Variants in WAPL observed in about 807,000 individuals in gnomAD.
WAPL encodes WAPL cohesin release factor.
WAPL carries 5 observed loss-of-function variants against 121.0 expected under a neutral mutation model. The observed-to-expected ratio is 0.04, with a 90% CI of 0.02 to 0.09. The LOEUF (loss-of-function observed/expected upper bound fraction) is 0.09. WAPL is among the 10% of genes least tolerant of loss of function. The pLI is 1.00. For missense variants in WAPL, 999 were observed against 1,410.8 expected, an observed-to-expected ratio of 0.71 and a Z score of 4.68; for synonymous variants, 480 against 481.5, an observed-to-expected ratio of 1.00 and a Z score of 0.04.
chr10:86,451,869 A>T, intron 15 of WAPL, 98 bp downstream of exon 15: 1 of 1,367,848 alleles, frequency 7.3e-7, no homozygotes. Context: ...CCAGCAGTGG[A>T]TGGGCAAGAA....
At chr10:86,513,244 C>T (rs1280745444) in intron 2 of WAPL, among the ~76,000 whole-genome samples, 2 of 150,634 alleles carry the variant, frequency 1.3e-5, no homozygotes, top group Admixed American at 6.6e-5. Context: ...GCGATTCACC[C>T]GCCTCGGCCT....
chr10:86,478,640 C>T lies in WAPL; in HGVS notation c.1645-4667G>A, dbSNP rs528787261. ...CAAGAAAAACCTCAAATGTGACATT[C>T]CATTAAAGCTAAAGAAAAAATATTC... On this transcript the variant is annotated intron_variant, in intron 4 of 18. Transcript: ENST00000298767. Among the ~76,000 whole-genome samples the T allele has an allele frequency of 7.2e-5, 11 of 152,164 alleles. 1 individual carries two copies. In the South Asian group the frequency reaches 2.3e-3, roughly 32 times the overall value.
chr10:86,481,505 C>T (rs1474647097), intron 4 of WAPL, among the ~76,000 whole-genome samples: 1 of 152,148 alleles, frequency 6.6e-6, no homozygotes, highest in Non-Finnish European at 1.5e-5. Flanking sequence ...TCCCGAGTAG[C>T]TGGGATTACA....
At chr10:86,467,992 T>C (rs1841440774) in intron 8 of WAPL, among the ~76,000 whole-genome samples, 1 of 151,144 alleles carries the variant, frequency 6.6e-6, no homozygotes, top group Admixed American at 6.6e-5. Flanking sequence ...TCTAAAAATA[T>C]TCTGAAGAAA....
intron 4 of WAPL, among the ~76,000 whole-genome samples, chr10:86,484,826 CATATAGCCT>C (rs903044905): frequency 1.1e-3 from 167 of 152,306 alleles, no homozygotes; most frequent in Non-Finnish European, 2.2e-4. Context: ...CAGGCTATAC[CATATAGCCT>C]AGGTGTGTGG....
chr10:86,477,536 C>T (rs1841686186), intron 4 of WAPL, among the ~76,000 whole-genome samples: 1 of 152,166 alleles, frequency 6.6e-6, no homozygotes, highest in South Asian at 2.1e-4. Flanking sequence ...GGTACCGTGA[C>T]TCATGCCTGT....
intron 4 of WAPL, among the ~76,000 whole-genome samples, chr10:86,485,564 T>C (rs1436846946): frequency 2.0e-5 from 3 of 151,998 alleles, no homozygotes; most frequent in Admixed American, 2.0e-4. Context: ...TTAACAGTAC[T>C]TTCATTACTT....
At chr10:86,492,699 A>G (rs1305500064) in intron 4 of WAPL, among the ~76,000 whole-genome samples, 1 of 152,194 alleles carries the variant, frequency 6.6e-6, no homozygotes, top group Non-Finnish European at 1.5e-5. Flanking sequence ...CATCAGTAGG[A>G]AACAATCAGA....
chr10:86,467,940 A>G (rs571454803), intron 8 of WAPL, among the ~76,000 whole-genome samples: 2 of 151,848 alleles, frequency 1.3e-5, no homozygotes, highest in South Asian at 2.1e-4. Context: ...GGCCTCCCAA[A>G]ATGCTGGGAT....
At chr10:86,440,791 G>C (rs1038277755) in intron 17 of WAPL, among the ~76,000 whole-genome samples, 1 of 151,396 alleles carries the variant, frequency 6.6e-6, no homozygotes, top group Admixed American at 6.6e-5. Flanking sequence ...CACAGAGTGG[G>C]CTGTTGTATT....
chr10:86,488,248 T>C (rs1371168550), intron 4 of WAPL, among the ~76,000 whole-genome samples: 6 of 152,254 alleles, frequency 3.9e-5, no homozygotes, highest in African/African-American at 1.4e-4. Context: ...TGCATATTTT[T>C]ACATGTTTCC....
chr10:86,499,685 T>G (rs766771939), intron 3 of WAPL, 33 bp downstream of exon 3: 465 of 1,529,080 alleles, frequency 3.0e-4, no homozygotes, highest in Non-Finnish European at 3.9e-4. Context: ...GGGGAACTAT[T>G]GTACTTATTA....
Position 86,472,107 on chromosome 10 carries a change from T to C in WAPL, c.2030+101A>G. The C allele has an allele frequency of 8.5e-7, 1 of 1,172,344 alleles. No homozygotes were observed. The highest frequency in any genetic ancestry group is 1.2e-6 in the Non-Finnish European group (1 of 852,138). The allele number at this position is 1,172,344 out of a possible 1,614,324, so 72.6% of individuals were successfully genotyped here. On this transcript the variant is annotated intron_variant, in intron 7 of 18. Transcript: ENST00000298767. This position sits in a 1 kb window ranked among gnomAD's most constrained non-coding sequence, Gnocchi z 4.2. ...ATCACTGGCTATACATACTACCCCA[T>C]CATAACAAAATAAAAAATGTTTGGC...
At chr10:86,506,706 C>T (rs895312796) in intron 2 of WAPL, among the ~76,000 whole-genome samples, 3 of 152,268 alleles carry the variant, frequency 2.0e-5, no homozygotes, top group South Asian at 2.1e-4. Flanking sequence ...AGGAGGATCA[C>T]TTAAGCCCAG....
intron 2 of WAPL, among the ~76,000 whole-genome samples, chr10:86,516,867 G>A (rs1477783390): frequency 1.3e-5 from 2 of 152,074 alleles, no homozygotes; most frequent in Non-Finnish European, 2.9e-5. Flanking sequence ...GGCAGATCAC[G>A]AGGTCAGGAG....
chr10:86,468,347 G>A (rs530711988), intron 8 of WAPL, among the ~76,000 whole-genome samples: 13 of 152,076 alleles, frequency 8.5e-5, no homozygotes, highest in African/African-American at 2.4e-4. Context: ...ACCGGCAGGC[G>A]CCACCATGCC....
At chr10:86,483,623 A>G (rs1471648563) in intron 4 of WAPL, among the ~76,000 whole-genome samples, 1 of 151,984 alleles carries the variant, frequency 6.6e-6, no homozygotes, top group Non-Finnish European at 1.5e-5. Context: ...ATTCCAGAAG[A>G]AGGCTGGCAT....
intron 15 of WAPL, 120 bp from the exon 16 acceptor site, chr10:86,446,569 A>G: frequency 8.8e-7 from 1 of 1,137,760 alleles, no homozygotes; most frequent in Non-Finnish European, 1.2e-6. Flanking sequence ...GTTATGTGAT[A>G]AAAAGAGGTG....
chr10:86,456,361 G>C (rs1428477456), intron 12 of WAPL, among the ~76,000 whole-genome samples: 1 of 149,532 alleles, frequency 6.7e-6, no homozygotes, highest in African/African-American at 2.5e-5. Context: ...ATATTTGTAA[G>C]GTAAAGGACA....
Sources: allele counts gnomAD v4.1 joint callset (sites outside exome capture counted in the v4.1 genomes callset), GRCh38; gene constraint gnomAD v4.1.1; non-coding constraint Gnocchi (gnomAD v3.1); transcripts MANE v1.5; gene names NCBI Gene and HGNC (gene_info 2026-07-23, HGNC 2026-07-21).